The following PTGES3 variants were observed in gnomAD, a reference collection of about 807,000 sequenced individuals.
The protein encoded by PTGES3 is prostaglandin E synthase 3.
PTGES3 carries 5 observed loss-of-function variants against 29.9 expected under a neutral mutation model. The observed-to-expected ratio is 0.17, with a 90% CI of 0.09 to 0.35. PTGES3 has a LOEUF of 0.35. Among genes scored for constraint, PTGES3 ranks in the 10% least tolerant of loss-of-function variants. The pLI is 1.00. For missense variants in PTGES3, 128 were observed against 190.0 expected, an observed-to-expected ratio of 0.67 and a Z score of 1.92; for synonymous variants, 49 against 57.8, an observed-to-expected ratio of 0.85 and a Z score of 0.69.
intron 1 of PTGES3, among the ~76,000 whole-genome samples, chr12:56,683,176 C>CA (rs1952633737): frequency 1.3e-5 from 2 of 151,738 alleles, no homozygotes; most frequent in East Asian, 3.9e-4. Flanking sequence ...GGTGAAACCC[C>CA]ATCGCTACTA....
chr12:56,665,042 C>T, intron 6 of PTGES3: 1 of 985,252 alleles, frequency 1.0e-6, no homozygotes. Context: ...TTTAGCCCAC[C>T]CGTTGAATCC....
chr12:56,665,348 T>C, intron 6 of PTGES3: 1 of 953,032 alleles, frequency 1.0e-6, no homozygotes, highest in Non-Finnish European at 1.2e-6. Context: ...CAGGCTACAG[T>C]GCAGTGGCGA....
chr12:56,665,013 G>A, intron 6 of PTGES3: 3 of 985,370 alleles, frequency 3.0e-6, no homozygotes, highest in Non-Finnish European at 3.6e-6. Context: ...AAAAAATGAT[G>A]TGTGCCTTTT....
rs746913450 is a variant in PTGES3 at position 56,679,642 on chromosome 12, C to T, written c.3-6577G>A. On this transcript the variant is annotated intron_variant, in intron 1 of 7. Coordinates refer to ENST00000262033, the MANE Select transcript of PTGES3 (RefSeq NM_006601.7). ...ATTAGTTTAGAAGCTAAAGTTAAAGCTAAACTCAGCCCCCTCTCCATATGT... is the reference window on the plus strand; with the variant it reads ...ATTAGTTTAGAAGCTAAAGTTAAAGTTAAACTCAGCCCCCTCTCCATATGT... 3.9e-5 allele frequency among the ~76,000 whole-genome samples: 6 copies of T among 152,138 alleles called. No individual in the cohort carries two copies. In the East Asian group the frequency reaches 5.8e-4, roughly 15 times the overall value.
At chr12:56,681,069 GT>G (rs1555220831) in intron 1 of PTGES3, among the ~76,000 whole-genome samples, 1 of 152,016 alleles carries the variant, frequency 6.6e-6, no homozygotes, top group Non-Finnish European at 1.5e-5. Flanking sequence ...ACCATACCTG[GT>G]CCCCCCATTT....
intron 1 of PTGES3, among the ~76,000 whole-genome samples, chr12:56,679,800 G>A (rs770435503): frequency 1.3e-5 from 2 of 151,896 alleles, no homozygotes; most frequent in African/African-American, 2.4e-5. Context: ...TTAGCCTCCC[G>A]AGTAGCTGGG....
At chr12:56,665,310 G>T (rs1253811183) in intron 6 of PTGES3, 38 of 960,288 alleles carry the variant, frequency 4.0e-5, no homozygotes, top group Non-Finnish European at 4.3e-5. Context: ...TTTTTGGGTG[G>T]GGGGAGATGG....
At chr12:56,672,685 G>T in intron 3 of PTGES3, 55 bp downstream of exon 3, 1 of 1,480,854 alleles carries the variant, frequency 6.8e-7, no homozygotes, top group South Asian at 1.4e-5. Context: ...AAGAATACTT[G>T]GTATGTCTGT....
chr12:56,664,273 T>C lies in PTGES3; in HGVS notation c.*206A>G, dbSNP rs373243736. Reference sequence around the variant, plus strand: ...AATGTTCATGCATAAGGTTATTGCCTTAGCTGACTTAAAATTGCCCCATAC... The same window carrying C: ...AATGTTCATGCATAAGGTTATTGCCCTAGCTGACTTAAAATTGCCCCATAC... On this transcript the variant is annotated 3_prime_UTR_variant, in exon 8 of 8. Coordinates refer to ENST00000262033, the MANE Select transcript of PTGES3 (RefSeq NM_006601.7). 2.0e-6 allele frequency: 1 copy of C among 506,848 alleles called. No homozygotes were observed. The allele number at this position is 506,848 out of a possible 1,614,324, so 31.4% of individuals were successfully genotyped here.
chr12:56,679,014 G>A (rs539681109), intron 1 of PTGES3, among the ~76,000 whole-genome samples: 3 of 152,252 alleles, frequency 2.0e-5, no homozygotes, highest in African/African-American at 7.2e-5. Context: ...TAACTGGGGG[G>A]CACTGAGGTG....
At chr12:56,681,316 A>G (rs1952530219) in intron 1 of PTGES3, among the ~76,000 whole-genome samples, 1 of 148,028 alleles carries the variant, frequency 6.8e-6, no homozygotes, top group Non-Finnish European at 1.5e-5. Context: ...AGGAGGGCGG[A>G]TCACGAGGTC....
At chr12:56,682,923 G>A (rs2137713589) in intron 1 of PTGES3, among the ~76,000 whole-genome samples, 1 of 152,010 alleles carries the variant, frequency 6.6e-6, no homozygotes, top group African/African-American at 2.4e-5. Context: ...GAACCTAGGA[G>A]GCAGAGGTTG....
chr12:56,682,744 C>A (rs1038079110), intron 1 of PTGES3, among the ~76,000 whole-genome samples: 3 of 61,510 alleles, frequency 4.9e-5, no homozygotes, highest in African/African-American at 2.1e-4. Flanking sequence ...AAAGGCCGGG[C>A]GTGGTGGCTC....
Position 56,665,158 on chromosome 12 carries a change from A to C in PTGES3, c.439-358T>G, listed in dbSNP as rs559763259. 7.1e-6 allele frequency: 7 copies of C among 985,320 alleles called. No homozygotes were observed. In the South Asian group the frequency reaches 3.3e-4, roughly 46 times the overall value. The allele number at this position is 985,320 out of a possible 1,614,324, so 61.0% of individuals were successfully genotyped here. A position where few individuals can be genotyped will look rare whatever the true frequency, so the allele number is the denominator to read the frequency against. The stretch of plus-strand genomic sequence containing the variant: ...AACTCTAATCCTAGCTGTTGAGTGA[A>C]TATTAAGTGTTTTTCTAAATAGCAT... On this transcript the variant is annotated intron_variant, in intron 6 of 7. Coordinates refer to ENST00000262033, the MANE Select transcript of PTGES3 (RefSeq NM_006601.7).
intron 1 of PTGES3, among the ~76,000 whole-genome samples, chr12:56,683,300 A>G (rs956402239): frequency 6.6e-6 from 1 of 151,276 alleles, no homozygotes; most frequent in African/African-American, 2.4e-5. Flanking sequence ...CCTGACCAAC[A>G]TGGAGAAACC....
At chr12:56,681,982 G>T (rs1952563780) in intron 1 of PTGES3, among the ~76,000 whole-genome samples, 1 of 152,050 alleles carries the variant, frequency 6.6e-6, no homozygotes, top group Admixed American at 6.5e-5. Context: ...AAGTAGCTGG[G>T]ATTACAGGCA....
chr12:56,686,120 T>A (rs1269852918), intron 1 of PTGES3, among the ~76,000 whole-genome samples: 2 of 129,936 alleles, frequency 1.5e-5, no homozygotes, highest in Non-Finnish European at 3.4e-5. Context: ...TTCCTAGTAA[T>A]AGCCGTTCCT....
chr12:56,682,272 G>A (rs1364408429), intron 1 of PTGES3, among the ~76,000 whole-genome samples: 1 of 152,204 alleles, frequency 6.6e-6, no homozygotes, highest in Non-Finnish European at 1.5e-5. Context: ...TGCTGAAGGT[G>A]AAGTTAAAAT....
rs1159439551 is a variant in PTGES3, at chr12:56,663,568, G to A, written c.*911C>T. On this transcript the variant is annotated 3_prime_UTR_variant, in exon 8 of 8. Coordinates refer to ENST00000262033, the MANE Select transcript of PTGES3 (RefSeq NM_006601.7). ...AAATGGTAAATACATAAAAATTACAGTAAGCCAGACACTTAAAAGGACAGC... is the reference window on the plus strand; with the variant it reads ...AAATGGTAAATACATAAAAATTACAATAAGCCAGACACTTAAAAGGACAGC... The A allele has an allele frequency of 7.2e-5, 11 of 152,430 alleles. No individual in the cohort carries two copies. The highest frequency in any genetic ancestry group is 5.9e-5 in the Non-Finnish European group (4 of 68,008). 9.4% of individuals were successfully genotyped at this position (152,430 alleles called of 1,614,324 possible).
Sources: gnomAD v4.1 joint callset for allele counts (sites outside exome capture counted in the v4.1 genomes callset) on GRCh38, gnomAD v4.1.1 for gene constraint, MANE v1.5 for transcripts, NCBI Gene and HGNC (gene_info 2026-07-23, HGNC 2026-07-21) for gene names.